Variants in PARG observed in about 807,000 individuals in gnomAD.
PARG encodes poly(ADP-ribose) glycohydrolase, also known as mitochondrial poly(ADP-ribose) glycohydrolase.
A neutral mutation model predicts 113.0 loss-of-function variants in PARG; 35 were observed. The observed-to-expected ratio is 0.31, with a 90% confidence interval of 0.24 to 0.41. PARG has a LOEUF of 0.41. Ranked by LOEUF, PARG falls within the 10% of genes least tolerant of loss-of-function variation. The probability of loss-of-function intolerance (pLI) is 1.00; values close to 1 mark genes in which losing one functional copy is unlikely to be tolerated. For missense variants in PARG, 797 were observed against 1,169.4 expected (o/e 0.68, Z 4.64); for synonymous variants, 330 against 409.9 (o/e 0.81, Z 2.36).
At chr10:49,861,883 A>G (rs1484477348) in intron 11 of PARG, among the ~76,000 whole-genome samples, 7 of 151,260 alleles carry the variant, frequency 4.6e-5, no homozygotes, top group African/African-American at 1.7e-4. Flanking sequence ...ATAGTTTGAA[A>G]CCTGATTTTC....
chr10:49,859,149 CAA>C (rs202032152), intron 12 of PARG, among the ~76,000 whole-genome samples: 2 of 117,470 alleles, frequency 1.7e-5, no homozygotes, highest in African/African-American at 3.3e-5. Flanking sequence ...GGACACAGGG[CAA>C]AAAAAAAAAA....
At chr10:49,860,545 GAGA>G (rs1554835760) in intron 12 of PARG, among the ~76,000 whole-genome samples, 1 of 147,762 alleles carries the variant, frequency 6.8e-6, no homozygotes, top group Admixed American at 6.8e-5. Context: ...TAACCACTGG[GAGA>G]AGGTGATTTA....
intron 13 of PARG, among the ~76,000 whole-genome samples, chr10:49,853,904 A>C (rs542896602): frequency 9.2e-5 from 14 of 152,316 alleles, no homozygotes; most frequent in African/African-American, 3.1e-4. Context: ...TGCTTACAAA[A>C]GATAAAAAGA....
At chr10:49,853,034 ATTTTTT>A (rs4012511) in intron 13 of PARG, among the ~76,000 whole-genome samples, 2 of 133,812 alleles carry the variant, frequency 1.5e-5, no homozygotes, top group Non-Finnish European at 3.2e-5. Context: ...TAAAAAAAAA[ATTTTTT>A]TTTTTTTTTT....
chr10:49,849,968 T>G (rs2813126), intron 13 of PARG, among the ~76,000 whole-genome samples: 2 of 152,270 alleles, frequency 1.3e-5, no homozygotes, highest in East Asian at 1.9e-4. Context: ...CAGTGAGCTA[T>G]GATTGTGCCA....
intron 8 of PARG, among the ~76,000 whole-genome samples, chr10:49,882,553 C>G (rs1286658953): frequency 6.6e-6 from 1 of 152,132 alleles, no homozygotes; most frequent in East Asian, 1.9e-4. Context: ...AAGCTGAGGA[C>G]TCAGGGGTCT....
intron 6 of PARG, among the ~76,000 whole-genome samples, chr10:49,916,593 G>A (rs1351378509): frequency 6.6e-6 from 1 of 151,864 alleles, no homozygotes; most frequent in Non-Finnish European, 1.5e-5. Context: ...TATGTAGAAT[G>A]AAAAGTCAAA....
intron 15 of PARG, among the ~76,000 whole-genome samples, chr10:49,839,910 G>A (rs192266557): frequency 1.1e-4 from 17 of 152,176 alleles, no homozygotes; most frequent in Admixed American, 7.9e-4. Flanking sequence ...CCTCTTGACC[G>A]TGTGACAAAT....
chr10:49,880,420 T>C (rs1178098273), intron 8 of PARG, among the ~76,000 whole-genome samples: 8 of 152,052 alleles, frequency 5.3e-5, no homozygotes, highest in African/African-American at 1.9e-4. Flanking sequence ...GATAAGACAT[T>C]TCTTACATAA....
intron 7 of PARG, among the ~76,000 whole-genome samples, chr10:49,901,508 A>G (rs1353406855): frequency 2.6e-5 from 4 of 152,008 alleles, no homozygotes; most frequent in South Asian, 2.1e-4. Flanking sequence ...GCATACATAC[A>G]TATTATAGTG....
intron 6 of PARG, among the ~76,000 whole-genome samples, chr10:49,921,504 T>G (rs1837869583): frequency 6.6e-6 from 1 of 152,028 alleles, no homozygotes; most frequent in Non-Finnish European, 1.5e-5. Context: ...TACATTATGA[T>G]ATAACATATC....
At chr10:49,833,488 C>T (rs1844770611) in intron 15 of PARG, among the ~76,000 whole-genome samples, 1 of 152,166 alleles carries the variant, frequency 6.6e-6, no homozygotes, top group Non-Finnish European at 1.5e-5. Context: ...TATGAAATAA[C>T]CTTTAAGATG....
intron 7 of PARG, among the ~76,000 whole-genome samples, chr10:49,910,790 A>G (rs372679326): frequency 4.3e-3 from 655 of 152,220 alleles, no homozygotes; most frequent in East Asian, 0.018. Context: ...CAAAAAGTAC[A>G]TAAAAATATA....
rs1838587258 is a variant in PARG, at chr10:49,933,451, T to G, written c.997A>C (p.Ser333Arg). Residue 333 changes from serine to arginine, a missense_variant, in exon 3 of 18, where the codon AGT (serine) becomes CGT (arginine). This residue lies in a region of PARG where 252 missense variants were observed against 437.4 expected (regional missense o/e 0.58). Coordinates refer to ENST00000616448, the MANE Select transcript of PARG (RefSeq NM_003631.5). ...SPGFDEQEDG[S>R]SSQTANKPSR... The stretch of plus-strand genomic sequence containing the variant: ...GGTTTATTTGCTGTTTGGGAGGAAC[T>G]ACCATCTTCTTGTTCATCAAAACCT... 1.9e-6 allele frequency: 3 copies of G among 1,612,612 alleles called. No homozygotes were observed. The African/African-American group carries it at 4.0e-5, about 21-fold the overall frequency.
intron 16 of PARG, among the ~76,000 whole-genome samples, chr10:49,826,512 G>A (rs1844366946): frequency 6.6e-6 from 1 of 152,154 alleles, no homozygotes; most frequent in East Asian, 1.9e-4. Context: ...GGTCTTTCTG[G>A]AGTTTAACTA....
chr10:49,836,558 G>A (rs760700256), intron 15 of PARG, among the ~76,000 whole-genome samples: 1 of 151,932 alleles, frequency 6.6e-6, no homozygotes, highest in African/African-American at 2.4e-5. Context: ...CCAAGATTGG[G>A]TTATGTATTT....
chr10:49,864,325 C>A (rs1418056712), intron 11 of PARG, among the ~76,000 whole-genome samples: 2 of 151,442 alleles, frequency 1.3e-5, no homozygotes, highest in Non-Finnish European at 3.0e-5. Flanking sequence ...TAATAATCAT[C>A]TAAACCACGC....
chr10:49,859,013 T>C (rs1445805313), intron 12 of PARG, among the ~76,000 whole-genome samples: 4 of 151,480 alleles, frequency 2.6e-5, no homozygotes, highest in Non-Finnish European at 5.9e-5. Flanking sequence ...ATTGAAGAGC[T>C]TGTTACTATG....
chr10:49,906,507 G>C (rs1488751272), intron 7 of PARG, among the ~76,000 whole-genome samples: 2 of 151,794 alleles, frequency 1.3e-5, no homozygotes, highest in African/African-American at 4.8e-5. Flanking sequence ...TCTTTCCTAG[G>C]TGCTATGTCA....
Sources: allele counts gnomAD v4.1 joint callset (sites outside exome capture counted in the v4.1 genomes callset), GRCh38; gene constraint gnomAD v4.1.1; regional missense constraint gnomAD v4.1.1; transcripts MANE v1.5; gene names NCBI Gene and HGNC (gene_info 2026-07-23, HGNC 2026-07-21).